The following SRPK1 variants were observed in gnomAD, a reference collection of about 807,000 sequenced individuals.
SRPK1 encodes the protein SRSF protein kinase 1, also known as SFRS protein kinase 1.
Under a neutral mutation model 89.5 loss-of-function variants are expected in SRPK1, and 52 were observed. That is an observed-to-expected ratio of 0.58 (90% CI 0.46 to 0.73). The LOEUF is 0.73. Ranked by LOEUF, SRPK1 falls within the 30% of genes least tolerant of loss-of-function variation. The probability of loss-of-function intolerance (pLI) is 0.00; values close to 1 mark genes in which losing one functional copy is unlikely to be tolerated. For synonymous variants in SRPK1, 255 were observed against 270.2 expected, an observed-to-expected ratio of 0.94 and a Z score of 0.55; for missense variants, 603 against 780.6, an observed-to-expected ratio of 0.77 and a Z score of 2.71.
At chr6:35,905,197 G>A (rs1457082344) in intron 2 of SRPK1, among the ~76,000 whole-genome samples, 2 of 152,074 alleles carry the variant, frequency 1.3e-5, no homozygotes, top group Admixed American at 1.3e-4. Flanking sequence ...ACAATCTGGA[G>A]AATCACATAA....
chr6:35,878,966 C>T (rs1770217465), intron 6 of SRPK1, among the ~76,000 whole-genome samples: 2 of 152,052 alleles, frequency 1.3e-5, no homozygotes, highest in African/African-American at 4.8e-5. Context: ...TGGCATGCAC[C>T]TGTAATCCCA....
intron 6 of SRPK1, among the ~76,000 whole-genome samples, chr6:35,879,984 C>G (rs745717723): frequency 6.7e-6 from 1 of 150,328 alleles, no homozygotes; most frequent in Non-Finnish European, 1.5e-5. Context: ...GTACTTGAGT[C>G]TGGGTAGTCA....
At chr6:35,881,446 TATAG>T (rs1400785875) in intron 6 of SRPK1, among the ~76,000 whole-genome samples, 3 of 88,706 alleles carry the variant, frequency 3.4e-5, no homozygotes, top group Non-Finnish European at 5.8e-5. Flanking sequence ...TAGATATAGA[TATAG>T]ATATAGATAT....
Position 35,869,021 on chromosome 6 carries a change from C to A in SRPK1, c.1501G>T (p.Ala501Ser), listed in dbSNP as rs1193895750. The A allele has an allele frequency of 6.2e-7, 1 of 1,613,606 alleles. No homozygotes were observed. The highest frequency in any genetic ancestry group is 1.7e-5 in the Admixed American group (1 of 59,892). The change falls in exon 12 of 16, where the codon GCT (alanine) becomes TCT (serine). Residue 501 changes from alanine to serine, a missense_variant. Physicochemically the swap from Ala to Ser is moderately conservative, Grantham distance 99. Transcript: ENST00000373825. Reference sequence around the variant, plus strand: ...CAAGTTTAACTTACCACCCAACAAGCATTTCCAAGGTCAGCAATCTTCACC... The same window carrying A: ...CAAGTTTAACTTACCACCCAACAAGAATTTCCAAGGTCAGCAATCTTCACC... ...LKVKIADLGNACWVHKHFTED... is the reference protein window; with the variant it reads ...LKVKIADLGNSCWVHKHFTED...
intron 13 of SRPK1, among the ~76,000 whole-genome samples, chr6:35,847,933 T>C (rs760469245): frequency 6.6e-6 from 1 of 152,130 alleles, no homozygotes; most frequent in East Asian, 1.9e-4. Context: ...CCTCAGGTGA[T>C]TCTCCCACCT....
At chr6:35,857,215 GAT>G in intron 13 of SRPK1, 44 bp downstream of exon 13, 1 of 1,396,884 alleles carries the variant, frequency 7.2e-7, no homozygotes, top group Non-Finnish European at 1.0e-6. Context: ...AACAGGGCAA[GAT>G]ATGTACCACT....
At chr6:35,882,118 CTAGTAGTAGTAG>C (rs59881690) in intron 6 of SRPK1, among the ~76,000 whole-genome samples, 2,290 of 140,156 alleles carry the variant, frequency 0.016, 59 homozygotes, top group African/African-American at 0.056. Context: ...AGTAGTAGTA[CTAGTAGTAGTAG>C]TAGTAGTAGT....
At chr6:35,838,815 A>G (rs1231470265) in intron 14 of SRPK1, 1 of 1,369,634 alleles carries the variant, frequency 7.3e-7, no homozygotes, top group Admixed American at 1.9e-5. Context: ...TAGAAGGGTA[A>G]GAAGAACAGA....
intron 2 of SRPK1, among the ~76,000 whole-genome samples, chr6:35,903,818 T>C (rs1242347623): frequency 6.6e-6 from 1 of 152,106 alleles, no homozygotes; most frequent in Non-Finnish European, 1.5e-5. Flanking sequence ...AATTACCCAA[T>C]AGCAATGAAT....
rs752652840 is a variant in SRPK1, at chr6:35,874,260, C to G, written c.558G>C (p.Leu186=). Residue 186 remains leucine, a synonymous_variant, in exon 7 of 16, where the codon CTG becomes CTC. Coordinates refer to ENST00000373825, the MANE Select transcript of SRPK1 (RefSeq NM_003137.5). ...GCTGAATAATTTTTTTGACACAAGG[C>G]AGTGGAAGCCCCTGATAATTGGATT... is the stretch of plus-strand genomic sequence containing the variant. ...IIKSNYQGLP[L]PCVKKIIQQV... 1 of 1,613,000 alleles carries G rather than the reference C, an allele frequency of 6.2e-7. No homozygotes were observed. Among genetic ancestry groups the G allele is most frequent in the Non-Finnish European group, 8.5e-7 (1 of 1,179,458 alleles).
intron 2 of SRPK1, chr6:35,920,134 C>A (rs971542043): frequency 8.1e-6 from 4 of 491,602 alleles, no homozygotes; most frequent in Non-Finnish European, 1.6e-5. Flanking sequence ...AGAAACAGAC[C>A]GATAATGATC....
At chr6:35,865,710 A>G (rs1357431841) in intron 12 of SRPK1, among the ~76,000 whole-genome samples, 1 of 152,242 alleles carries the variant, frequency 6.6e-6, no homozygotes, top group Non-Finnish European at 1.5e-5. Context: ...ATCCTTTTCA[A>G]TAAATGGTTC....
rs1769471895 is a variant in SRPK1, at chr6:35,848,550, CTGTCTCA to C, written c.1621-5953_1621-5947del. On this transcript the variant is annotated intron_variant, in intron 13 of 15. Transcript: ENST00000373825. Reference sequence around the variant, plus strand: ...CCAGCCTGAGTGACAGTATGAGACTCTGTCTCAAAACAAGAACAAAGCTGGAGGCATC... The same window carrying C: ...CCAGCCTGAGTGACAGTATGAGACTCAAACAAGAACAAAGCTGGAGGCATC... Among the ~76,000 whole-genome samples the C allele has an allele frequency of 2.6e-5, 4 of 152,200 alleles. No individual in the cohort carries two copies. The South Asian group carries it at 8.3e-4, about 31-fold the overall frequency.
intron 2 of SRPK1, among the ~76,000 whole-genome samples, chr6:35,906,537 T>C (rs368195095): frequency 6.6e-6 from 1 of 152,100 alleles, no homozygotes; most frequent in African/African-American, 2.4e-5. Context: ...AAACATTAAG[T>C]AAAAGAAGCC....
chr6:35,859,496 A>G (rs1316341435), intron 12 of SRPK1, among the ~76,000 whole-genome samples: 1 of 152,210 alleles, frequency 6.6e-6, no homozygotes, highest in Non-Finnish European at 1.5e-5. Context: ...CAAGTTTCAC[A>G]GTTGGCCCAG....
At chr6:35,874,751 C>G (rs140089491) in intron 6 of SRPK1, among the ~76,000 whole-genome samples, 1 of 152,028 alleles carries the variant, frequency 6.6e-6, no homozygotes, top group Non-Finnish European at 1.5e-5. Context: ...AGCTTCAAAG[C>G]AAGGAAAAAC....
intron 2 of SRPK1, among the ~76,000 whole-genome samples, chr6:35,914,856 T>C (rs373171488): frequency 1.0e-3 from 155 of 152,004 alleles, no homozygotes; most frequent in African/African-American, 3.6e-3. Context: ...TAGAGTGCAG[T>C]GGTACGATGT....
chr6:35,904,988 GAA>G, intron 2 of SRPK1: 1 of 423,104 alleles, frequency 2.4e-6, no homozygotes, highest in Non-Finnish European at 4.7e-6. Flanking sequence ...CAAAAGAAAA[GAA>G]AAAAAAAATT....
At chr6:35,863,691 A>G (rs1484280144) in intron 12 of SRPK1, among the ~76,000 whole-genome samples, 1 of 152,046 alleles carries the variant, frequency 6.6e-6, no homozygotes, top group Non-Finnish European at 1.5e-5. Flanking sequence ...TTCAAAAAAA[A>G]GCTGAGGGAT....
Sources: allele counts gnomAD v4.1 joint callset (sites outside exome capture counted in the v4.1 genomes callset), GRCh38; gene constraint gnomAD v4.1.1; transcripts MANE v1.5; gene names NCBI Gene and HGNC (gene_info 2026-07-23, HGNC 2026-07-21).